The following RUNDC3A variants were observed in gnomAD, a reference collection of about 807,000 sequenced individuals.
RUNDC3A encodes the protein RUN domain containing 3A, also known as RUN domain-containing protein 3A.
In RUNDC3A, 28 loss-of-function variants were observed where a neutral mutation model predicts 53.9. The observed-to-expected ratio is 0.52, with a 90% CI of 0.38 to 0.71. The LOEUF (loss-of-function observed/expected upper bound fraction) is 0.71, where lower values mean the gene tolerates loss of function less well. RUNDC3A is among the 30% of genes least tolerant of loss of function. RUNDC3A has a pLI of 0.00. For synonymous variants in RUNDC3A, 232 were observed against 249.4 expected, an observed-to-expected ratio of 0.93 and a Z score of 0.66; for missense variants, 491 against 597.3, an observed-to-expected ratio of 0.82 and a Z score of 1.85.
In RUNDC3A at chr17:44,315,801, A is replaced by G; in HGVS notation, c.953+192A>G. Reference sequence around the variant, plus strand: ...ATCTTCTAACATTGCCCCCAGCATAAGATCCAGTGACTTCCAACAGCCAGA... The same window carrying G: ...ATCTTCTAACATTGCCCCCAGCATAGGATCCAGTGACTTCCAACAGCCAGA... On this transcript the variant is annotated intron_variant, in intron 8 of 10. Coordinates refer to ENST00000426726, the MANE Select transcript of RUNDC3A (RefSeq NM_001144825.2). This position sits in a 1 kb window ranked among gnomAD's most constrained non-coding sequence, Gnocchi z 6.1. 1 of 467,218 alleles carries G rather than the reference A, an allele frequency of 2.1e-6. No homozygotes were observed. The highest frequency in any genetic ancestry group is 3.6e-6 in the Non-Finnish European group (1 of 281,352). 28.9% of individuals were successfully genotyped at this position (467,218 alleles called of 1,614,324 possible). A position where few individuals can be genotyped will look rare whatever the true frequency, so the allele number is the denominator to read the frequency against.
chr17:44,316,657 C>A lies in RUNDC3A; in HGVS notation c.1130C>A (p.Ala377Asp). 1 of 1,550,816 alleles carries A rather than the reference C, an allele frequency of 6.4e-7. No individual in the cohort carries two copies. Among genetic ancestry groups the A allele is most frequent in the Non-Finnish European group, 8.7e-7 (1 of 1,146,998 alleles). Residue 377 changes from alanine to aspartate, a missense_variant, in exon 10 of 11, where the codon GCC becomes GAC. By Grantham distance (126) the Ala-to-Asp change is moderately radical (BLOSUM62 -2). Coordinates refer to ENST00000426726, the MANE Select transcript of RUNDC3A (RefSeq NM_001144825.2). ...FMSTEPLSAE[A>D]SLSSDSQRLG... The stretch of plus-strand genomic sequence containing the variant: ...AGCACGGAGCCGCTGTCAGCTGAAG[C>A]CAGTCTGAGCTCGGACTCCCAGCGC...
intron 4 of RUNDC3A, chr17:44,314,395 G>A (rs1040848778): frequency 5.2e-5 from 60 of 1,146,082 alleles, no homozygotes; most frequent in Middle Eastern, 3.7e-4. Context: ...CAGTCTACAC[G>A]TTTCAAGTTA....
Position 44,318,421 on chromosome 17 carries a change from GAAGA to G in RUNDC3A, c.*187_*190del. Reference sequence around the variant, plus strand: ...TTCTGCCTTGGCAGCACGGGCTGCGGAAGAAAGCACGCTGGGCCAGGAGGCAGGG... The same window carrying G: ...TTCTGCCTTGGCAGCACGGGCTGCGGAAGCACGCTGGGCCAGGAGGCAGGG... On this transcript the variant is annotated 3_prime_UTR_variant, in exon 11 of 11. Coordinates refer to ENST00000426726, the MANE Select transcript of RUNDC3A (RefSeq NM_001144825.2). 2 of 713,166 alleles carry G rather than the reference GAAGA, an allele frequency of 2.8e-6. No homozygotes were observed. The allele number at this position is 713,166 out of a possible 1,614,324, so 44.2% of individuals were successfully genotyped here.
Position 44,313,217 on chromosome 17 carries a change from G to C in RUNDC3A, c.337G>C (p.Glu113Gln). Residue 113 changes from glutamate to glutamine, a missense_variant, in exon 3 of 11, where the codon GAG (glutamate) becomes CAG (glutamine). Glu to Gln is a conservative substitution (Grantham distance 29). This residue lies in a region of RUNDC3A where 273 missense variants were observed against 389.0 expected (regional missense o/e 0.70). Transcript: ENST00000426726. ...GCCCAACAACTGTGTGAGCAGCATC[G>C]AGAACATGGAGAACATCAGCACAGC... ...KVPNNCVSSI[E>Q]NMENISTARA... 1.2e-6 allele frequency: 2 copies of C among 1,613,896 alleles called. No homozygotes were observed. The highest frequency in any genetic ancestry group is 1.7e-6 in the Non-Finnish European group (2 of 1,179,860).
In RUNDC3A at chr17:44,308,756, GT is replaced by G; in HGVS notation, c.-76del. 1.0e-6 allele frequency: 1 copy of G among 989,080 alleles called. No individual in the cohort carries two copies. Among genetic ancestry groups the G allele is most frequent in the Non-Finnish European group, 1.5e-6 (1 of 678,742 alleles). The allele number at this position is 989,080 out of a possible 1,614,324, so 61.3% of individuals were successfully genotyped here. On this transcript the variant is annotated 5_prime_UTR_variant, in exon 1 of 11. The change abolishes the stop of an existing upstream ORF in the 5' untranslated region. Coordinates refer to ENST00000426726, the MANE Select transcript of RUNDC3A (RefSeq NM_001144825.2). ...GCCCCGTCGGACAGAGGGCCCAGCC[GT>G]GATCCAGCGACGGGTTTGGGGCTCC...
At chr17:44,313,333 A>G in intron 3 of RUNDC3A, 81 bp downstream of exon 3, 4 of 1,606,254 alleles carry the variant, frequency 2.5e-6, no homozygotes, top group East Asian at 2.2e-5. Flanking sequence ...CCCCCTGTGC[A>G]CAGCCCAGGG....
intron 1 of RUNDC3A, chr17:44,310,673 A>C (rs2047732598): frequency 2.0e-6 from 2 of 985,026 alleles, no homozygotes; most frequent in Non-Finnish European, 2.4e-6. Flanking sequence ...CCCTGTCTCC[A>C]TGGTAACCTG....
intron 10 of RUNDC3A, chr17:44,317,531 A>T (rs780244342): frequency 2.6e-6 from 2 of 780,864 alleles, no homozygotes; most frequent in East Asian, 2.4e-5. Context: ...AATGCCCAGG[A>T]CTTCAACGCA....
intron 10 of RUNDC3A, chr17:44,317,716 TTG>T (rs2047898057): frequency 1.6e-6 from 1 of 622,848 alleles, no homozygotes; most frequent in African/African-American, 1.8e-5. Context: ...CACACTGTGT[TTG>T]TGATTGTCTG....
In RUNDC3A at chr17:44,313,545, C is replaced by T. The variant is rs374232393; in HGVS notation, c.458+42C>T. The T allele has an allele frequency of 1.4e-5, 23 of 1,586,248 alleles. No homozygotes were observed. In the South Asian group the frequency reaches 2.4e-4, roughly 16 times the overall value. On this transcript the variant is annotated intron_variant, in intron 4 of 10. Coordinates refer to ENST00000426726, the MANE Select transcript of RUNDC3A (RefSeq NM_001144825.2). The stretch of plus-strand genomic sequence containing the variant: ...AACTCAGACCACAGGTCTCAGAGTG[C>T]ACCTGCATTGCCCAAACACAGCTGA...
Position 44,308,605 on chromosome 17 carries a change from C to G in RUNDC3A, c.-228C>G, listed in dbSNP as rs1018653932. 5.1e-5 allele frequency: 21 copies of G among 415,270 alleles called. No individual in the cohort carries two copies. The highest frequency in any genetic ancestry group is 7.7e-5 in the Non-Finnish European group (18 of 235,184). 25.7% of individuals were successfully genotyped at this position (415,270 alleles called of 1,614,324 possible). A position where few individuals can be genotyped will look rare whatever the true frequency, so the allele number is the denominator to read the frequency against. ...GCTGGAGGAGGGGGTGACGGGGCCC[C>G]GGCTCAGCACCTCGGAGAGCTCCCT... On this transcript the variant is annotated 5_prime_UTR_variant, in exon 1 of 11. Coordinates refer to ENST00000426726, the MANE Select transcript of RUNDC3A (RefSeq NM_001144825.2).
Position 44,315,481 on chromosome 17 carries a change from C to T in RUNDC3A, c.825C>T (p.Arg275=). The part of the protein sequence containing the change: ...KGYLEELVRL[R]ESQLKDLEAE... ...ACCTGGAGGAGCTGGTGCGTCTGCGCGAGTCGCAGCTGAAGGACCTGGAGG... is the reference window on the plus strand; with the variant it reads ...ACCTGGAGGAGCTGGTGCGTCTGCGTGAGTCGCAGCTGAAGGACCTGGAGG... The change falls in exon 8 of 11, where the codon CGC becomes CGT. Residue 275 remains arginine, a synonymous_variant. Coordinates refer to ENST00000426726, the MANE Select transcript of RUNDC3A (RefSeq NM_001144825.2). This position sits in a 1 kb window ranked among gnomAD's most constrained non-coding sequence, Gnocchi z 6.1. 1 of 1,505,656 alleles carries T rather than the reference C, an allele frequency of 6.6e-7. No individual in the cohort carries two copies. Among genetic ancestry groups the T allele is most frequent in the South Asian group, 1.3e-5 (1 of 79,204 alleles). 93.3% of individuals were successfully genotyped at this position (1,505,656 alleles called of 1,614,324 possible).
intron 2 of RUNDC3A, among the ~76,000 whole-genome samples, 165 bp downstream of exon 2, chr17:44,312,860 C>A (rs2047777525): frequency 6.6e-6 from 1 of 152,072 alleles, no homozygotes; most frequent in Admixed American, 6.6e-5. Context: ...CCTCATTGAC[C>A]CTGGCCCCCA....
Position 44,314,840 on chromosome 17 carries a change from C to G in RUNDC3A, c.548+16C>G, listed in dbSNP as rs745808014. ...TCGACTTCAGGTGGGGTCTGCCTGA[C>G]GGCAGTGGTGGAGGGGGCTGTTTCC... On this transcript the variant is annotated intron_variant, in intron 5 of 10. Coordinates refer to ENST00000426726, the MANE Select transcript of RUNDC3A (RefSeq NM_001144825.2). The G allele has an allele frequency of 1.9e-6, 3 of 1,613,812 alleles. No homozygotes were observed. Among genetic ancestry groups the G allele is most frequent in the Non-Finnish European group, 2.5e-6 (3 of 1,179,862 alleles).
intron 1 of RUNDC3A, 74 bp downstream of exon 1, chr17:44,309,013 G>A: frequency 2.0e-6 from 2 of 1,020,196 alleles, no homozygotes; most frequent in Non-Finnish European, 2.8e-6. Context: ...AACCCGGACT[G>A]AGCGCTGCCG....
chr17:44,315,681 A>C lies in RUNDC3A; in HGVS notation c.953+72A>C. On this transcript the variant is annotated intron_variant, in intron 8 of 10. Coordinates refer to ENST00000426726, the MANE Select transcript of RUNDC3A (RefSeq NM_001144825.2). This position sits in a 1 kb window ranked among gnomAD's most constrained non-coding sequence, Gnocchi z 6.1. ...ACATCACCGGGTGAACCCCATCTTC[A>C]CTTCCATCGACTCTAACATCACCCG... The C allele has an allele frequency of 7.9e-7, 1 of 1,267,552 alleles. No individual in the cohort carries two copies. Among genetic ancestry groups the C allele is most frequent in the Non-Finnish European group, 1.0e-6 (1 of 977,562 alleles). The allele number at this position is 1,267,552 out of a possible 1,614,324, so 78.5% of individuals were successfully genotyped here. A position where few individuals can be genotyped will look rare whatever the true frequency, so the allele number is the denominator to read the frequency against.
chr17:44,310,989 G>C lies in RUNDC3A; in HGVS notation c.108-1591G>C, dbSNP rs992370242. 10 of 985,072 alleles carry C rather than the reference G, an allele frequency of 1.0e-5. No individual in the cohort carries two copies. In the African/African-American group the frequency reaches 1.8e-4, roughly 17 times the overall value. 61.0% of individuals were successfully genotyped at this position (985,072 alleles called of 1,614,324 possible). ...CACCTACCTTCTCCCAACCCTGCCT[G>C]GGCTCTCAACCAAAATGTAATGAGG... On this transcript the variant is annotated intron_variant, in intron 1 of 10. Transcript: ENST00000426726.
Position 44,316,723 on chromosome 17 carries a change from T to G in RUNDC3A, c.1196T>G (p.Ile399Ser). 1 of 1,546,840 alleles carries G rather than the reference T, an allele frequency of 6.5e-7. No homozygotes were observed. The highest frequency in any genetic ancestry group is 8.7e-7 in the Non-Finnish European group (1 of 1,145,602). Residue 399 changes from isoleucine to serine, a missense_variant and splice_region_variant, in exon 10 of 11, where the codon ATC becomes AGC. This residue lies in a region of RUNDC3A where 218 missense variants were observed against 208.2 expected (regional missense o/e 1.05). Transcript: ENST00000426726. The part of the protein sequence containing the change: ...GTRDEEPWGP[I>S]GKDPTPSMLG... Reference sequence around the variant, plus strand: ...CGGGACGAGGAGCCCTGGGGTCCCATCGGTGAGCTCCCCCAACCCAACACC... The same window carrying G: ...CGGGACGAGGAGCCCTGGGGTCCCAGCGGTGAGCTCCCCCAACCCAACACC...
At chr17:44,316,265 C>T (rs564677231) in intron 8 of RUNDC3A, 120 bp from the exon 9 acceptor site, 2 of 946,590 alleles carry the variant, frequency 2.1e-6, no homozygotes, top group South Asian at 3.2e-5. Flanking sequence ...GACCCCAACA[C>T]CGTATCCCCA....
Sources: allele counts gnomAD v4.1 joint callset (sites outside exome capture counted in the v4.1 genomes callset), GRCh38; gene constraint gnomAD v4.1.1; regional missense constraint gnomAD v4.1.1; non-coding constraint Gnocchi (gnomAD v3.1); transcripts MANE v1.5; gene names NCBI Gene and HGNC (gene_info 2026-07-23, HGNC 2026-07-21).